The following CILP variants were observed in gnomAD, a reference collection of about 807,000 sequenced individuals.
CILP encodes cartilage intermediate layer protein 1.
In CILP, 75 loss-of-function variants were observed where a neutral mutation model predicts 82.5. The observed-to-expected ratio is 0.91, with a 90% CI of 0.75 to 1.10. The LOEUF (loss-of-function observed/expected upper bound fraction) is 1.10, where lower values mean the gene tolerates loss of function less well. CILP is among the 50% of genes least tolerant of loss of function. The pLI is 0.00. For synonymous variants in CILP, 530 were observed against 580.3 expected, an observed-to-expected ratio of 0.91 and a Z score of 1.25; for missense variants, 1,479 against 1,530.8, an observed-to-expected ratio of 0.97 and a Z score of 0.56.
rs2088370887 is a variant in CILP, at chr15:65,196,941, G to A, written c.3345C>T (p.Leu1115=). 2 of 1,613,662 alleles carry A rather than the reference G, an allele frequency of 1.2e-6. No homozygotes were observed. Among genetic ancestry groups the A allele is most frequent in the Admixed American group, 3.3e-5 (2 of 59,944 alleles). The change falls in exon 9 of 9, where the codon CTC becomes CTT. Residue 1115 remains leucine, a synonymous_variant. Coordinates refer to ENST00000261883, the MANE Select transcript of CILP (RefSeq NM_003613.4). The part of the protein sequence containing the change: ...RIMKSNVGVA[L]TFNCVERQVG... ...CTTGCCTCTCTACACAGTTGAAGGTGAGGGCTACTCCCACATTGCTCTTCA... is the reference window on the plus strand; with the variant it reads ...CTTGCCTCTCTACACAGTTGAAGGTAAGGGCTACTCCCACATTGCTCTTCA...
chr15:65,210,952 C>CAGCCTG (rs2088579693), intron 1 of CILP, among the ~76,000 whole-genome samples: 1 of 152,216 alleles, frequency 6.6e-6, no homozygotes. Context: ...GCACTGCATT[C>CAGCCTG]AGCCTGAGCC....
chr15:65,197,958 G>A lies in CILP; in HGVS notation c.2328C>T (p.Ser776=), dbSNP rs190036787. 85 of 1,614,148 alleles carry A rather than the reference G, an allele frequency of 5.3e-5. No homozygotes were observed. The highest frequency in any genetic ancestry group is 6.9e-5 in the Non-Finnish European group (81 of 1,180,030). ...CAGTTCTAGGCTCCAGGTTAATCACGGAGATCACAACCCCCTGGATCTGCT... is the reference window on the plus strand; with the variant it reads ...CAGTTCTAGGCTCCAGGTTAATCACAGAGATCACAACCCCCTGGATCTGCT... ...PSEQIQGVVI[S]VINLEPRTGF... is the part of the protein sequence containing the mutation. Residue 776 remains serine (S), a synonymous_variant, in exon 9 of 9, where the codon TCC becomes TCT. Transcript: ENST00000261883.
chr15:65,195,464 T>G lies in CILP; in HGVS notation c.*1267A>C, dbSNP rs184554752. On this transcript the variant is annotated 3_prime_UTR_variant, in exon 9 of 9. Coordinates refer to ENST00000261883, the MANE Select transcript of CILP (RefSeq NM_003613.4). ...CCTATGGGCCTCTGATTTACTATTT[T>G]AAACCAAATACCTTTTCCAAAACCA... 6.6e-6 allele frequency: 1 copy of G among 152,248 alleles called. No individual in the cohort carries two copies. Among genetic ancestry groups the G allele is most frequent in the Non-Finnish European group, 1.5e-5 (1 of 68,074 alleles). The allele number at this position is 152,248 out of a possible 1,614,324, so 9.4% of individuals were successfully genotyped here.
intron 6 of CILP, among the ~76,000 whole-genome samples, chr15:65,204,008 T>G (rs1025638696): frequency 1.3e-5 from 2 of 152,228 alleles, no homozygotes; most frequent in Non-Finnish European, 2.9e-5. Context: ...ACGAAGGCCC[T>G]GAGGCAGGAA....
In CILP at chr15:65,197,591, G is replaced by A. The variant is rs764708391; in HGVS notation, c.2695C>T (p.Leu899Phe). 1.2e-6 allele frequency: 2 copies of A among 1,614,210 alleles called. No homozygotes were observed. The highest frequency in any genetic ancestry group is 1.7e-6 in the Non-Finnish European group (2 of 1,180,044). The stretch of plus-strand genomic sequence containing the variant: ...GGTGGTGCCTCTTCACATGCCCGGA[G>A]GTTCTCAAAGGCATAGATGGGCCCA... ...SNGPIYAFEN[L>F]RACEEAPPSA... is the part of the protein sequence containing the mutation. The change falls in exon 9 of 9, where the codon CTC becomes TTC. Residue 899 changes from leucine (L) to phenylalanine (F), a missense_variant. Leu to Phe is a conservative substitution (Grantham distance 22). Transcript: ENST00000261883.
Position 65,196,070 on chromosome 15 carries a change from A to G in CILP, c.*661T>C, listed in dbSNP as rs2088356941. ...GCTACACTGGGTTTCTAGCAAGAAC[A>G]GAAGCGAATGCAAAGGGAAATGTAC... On this transcript the variant is annotated 3_prime_UTR_variant, in exon 9 of 9. Coordinates refer to ENST00000261883, the MANE Select transcript of CILP (RefSeq NM_003613.4). 6.6e-6 allele frequency: 1 copy of G among 152,230 alleles called. No individual in the cohort carries two copies. The highest frequency in any genetic ancestry group is 1.5e-5 in the Non-Finnish European group (1 of 68,054). 9.4% of individuals were successfully genotyped at this position (152,230 alleles called of 1,614,324 possible). A position where few individuals can be genotyped will look rare whatever the true frequency, so the allele number is the denominator to read the frequency against.
chr15:65,196,876 G>A lies in CILP; in HGVS notation c.3410C>T (p.Pro1137Leu), dbSNP rs1407608887. 1.9e-6 allele frequency: 3 copies of A among 1,613,736 alleles called. No individual in the cohort carries two copies. The African/African-American group carries it at 4.0e-5, about 22-fold the overall frequency. ...AGTGCCTGCAGCAGGGGACTGGGCT[G>A]GGGTGCTTTGGAGGTACTGGAAGGC... ...QSAFQYLQST[P>L]AQSPAAGTVQ... is the part of the protein sequence containing the mutation. Residue 1137 changes from proline (P) to leucine (L), a missense_variant, in exon 9 of 9, where the codon CCA becomes CTA. By Grantham distance (98) the Pro-to-Leu change is moderately conservative. Transcript: ENST00000261883.
chr15:65,210,969 T>G (rs1170136528), intron 1 of CILP, among the ~76,000 whole-genome samples: 2 of 152,208 alleles, frequency 1.3e-5, no homozygotes, highest in African/African-American at 4.8e-5. Flanking sequence ...AGCCTGAGCC[T>G]GCTCCAGGGA....
In CILP at chr15:65,207,035, T is replaced by G. The variant is rs565454601; in HGVS notation, c.171A>C (p.Thr57=). The G allele has an allele frequency of 1.2e-5, 20 of 1,613,122 alleles. No homozygotes were observed. Among genetic ancestry groups the G allele is most frequent in the Admixed American group, 1.7e-5 (1 of 59,990 alleles). Residue 57 remains threonine (T), a synonymous_variant, in exon 4 of 9, where the codon ACA becomes ACC. Transcript: ENST00000261883. ...CTGGGTAGTCGATGTTGAACCATGT[T>G]GTCCACTCACCAGGGCCTGAGAGAC... ...ADTLESPGEW[T]TWFNIDYPGG... is the part of the protein sequence containing the mutation.
At position 65,206,630 on chromosome 15, in the gene CILP, T is replaced by G. The variant is rs374475748; in HGVS notation, c.424+152A>C. ...GTTATTATTACAGAGTCCAAGCATATGCATGTGTGTCACTACTTGTTATTA... is the reference window on the plus strand; with the variant it reads ...GTTATTATTACAGAGTCCAAGCATAGGCATGTGTGTCACTACTTGTTATTA... On this transcript the variant is annotated intron_variant, in intron 4 of 8. Transcript: ENST00000261883. The G allele has an allele frequency of 3.5e-6, 3 of 847,536 alleles. No homozygotes were observed. In the African/African-American group the frequency reaches 5.1e-5, roughly 14 times the overall value. The allele number at this position is 847,536 out of a possible 1,614,324, so 52.5% of individuals were successfully genotyped here.
At chr15:65,199,433 A>G (rs1451609737) in intron 8 of CILP, among the ~76,000 whole-genome samples, 1 of 152,224 alleles carries the variant, frequency 6.6e-6, no homozygotes, top group Non-Finnish European at 1.5e-5. Context: ...ATGTCCTGCA[A>G]TGCCTGGCAC....
At chr15:65,210,379 G>A (rs930086374) in intron 1 of CILP, among the ~76,000 whole-genome samples, 3 of 152,172 alleles carry the variant, frequency 2.0e-5, no homozygotes, top group Admixed American at 1.3e-4. Flanking sequence ...AGATGTGCAC[G>A]GGCTGCAGCT....
chr15:65,196,509 G>C lies in CILP; in HGVS notation c.*222C>G, dbSNP rs904460227. 2.3e-6 allele frequency: 1 copy of C among 436,980 alleles called. No homozygotes were observed. The highest frequency in any genetic ancestry group is 2.0e-5 in the African/African-American group (1 of 49,974). The allele number at this position is 436,980 out of a possible 1,614,324, so 27.1% of individuals were successfully genotyped here. ...GTTTTACCAGTGGCCAATTTCTTGT[G>C]TTTCATTTAAAGAACAGTTTCACAA... On this transcript the variant is annotated 3_prime_UTR_variant, in exon 9 of 9. Transcript: ENST00000261883.
At chr15:65,207,330 C>T (rs1167407700) in intron 3 of CILP, among the ~76,000 whole-genome samples, 2 of 152,108 alleles carry the variant, frequency 1.3e-5, no homozygotes, top group Non-Finnish European at 2.9e-5. Flanking sequence ...TCATGTGGCT[C>T]GGGCCACATC....
Position 65,207,706 on chromosome 15 carries a change from G to A in CILP, c.120C>T (p.Pro40=). 8.7e-6 allele frequency: 14 copies of A among 1,614,178 alleles called. No homozygotes were observed. The highest frequency in any genetic ancestry group is 1.1e-5 in the Non-Finnish European group (13 of 1,180,028). Residue 40 remains proline, a synonymous_variant, in exon 3 of 9, where the codon CCC becomes CCT. Coordinates refer to ENST00000261883, the MANE Select transcript of CILP (RefSeq NM_003613.4). ...VRRVQPGKKN[P]SIFAKPADTL... Reference sequence around the variant, plus strand: ...TGTCGGCAGGCTTGGCAAAGATGCTGGGGTTCTTCTTCCCAGGCTGGACTC... The same window carrying A: ...TGTCGGCAGGCTTGGCAAAGATGCTAGGGTTCTTCTTCCCAGGCTGGACTC...
At position 65,197,868 on chromosome 15, in the gene CILP, G is replaced by A; in HGVS notation, c.2418C>T (p.Ala806=). The change falls in exon 9 of 9, where the codon GCC becomes GCT. Residue 806 remains alanine (A), a synonymous_variant. Transcript: ENST00000261883. ...GGTCATCACAGAAGGCAGGCACACA[G>A]GCCCCGTTGGGGCCTGTGATGACAC... ...FDSVITGPNG[A]CVPAFCDDQS... 2 of 1,613,654 alleles carry A rather than the reference G, an allele frequency of 1.2e-6. No homozygotes were observed. The highest frequency in any genetic ancestry group is 1.7e-6 in the Non-Finnish European group (2 of 1,179,922).
rs1452311944 is a variant in CILP at position 65,195,349 on chromosome 15, AG to A, written c.*1381del. On this transcript the variant is annotated 3_prime_UTR_variant, in exon 9 of 9. Transcript: ENST00000261883. ...TGGACTCTTGCCTGACAGATTCTGG[AG>A]GGGTTGGGATAGGGGCAGTGAGTGC... 2 of 152,196 alleles carry A rather than the reference AG, an allele frequency of 1.3e-5. No homozygotes were observed. Among genetic ancestry groups the A allele is most frequent in the East Asian group, 3.9e-4 (2 of 5,194 alleles). 9.4% of individuals were successfully genotyped at this position (152,196 alleles called of 1,614,324 possible).
At position 65,196,114 on chromosome 15, in the gene CILP, GGT is replaced by G. The variant is rs1365495950; in HGVS notation, c.*615_*616del. 9.9e-5 allele frequency: 15 copies of G among 152,242 alleles called. No homozygotes were observed. The highest frequency in any genetic ancestry group is 2.9e-4 in the African/African-American group (12 of 41,450). The allele number at this position is 152,242 out of a possible 1,614,324, so 9.4% of individuals were successfully genotyped here. On this transcript the variant is annotated 3_prime_UTR_variant, in exon 9 of 9. Coordinates refer to ENST00000261883, the MANE Select transcript of CILP (RefSeq NM_003613.4). Reference sequence around the variant, plus strand: ...AATGTACAAATACAGTTAGCAACCTGGTGTAATTGTGGATACCAGGAGATGTT... The same window carrying G: ...AATGTACAAATACAGTTAGCAACCTGGTAATTGTGGATACCAGGAGATGTT...
rs1024146015 is a variant in CILP at position 65,197,181 on chromosome 15, T to C, written c.3105A>G (p.Arg1035=). 1.2e-6 allele frequency: 2 copies of C among 1,613,940 alleles called. No homozygotes were observed. The highest frequency in any genetic ancestry group is 2.7e-5 in the African/African-American group (2 of 74,918). ...CATGCAGCATGGGGTTCACACTGGC[T>C]CGACGGCAGCTGCCCTGGGGGATGA... The part of the protein sequence containing the change: ...VKVIPQGSCR[R]ASVNPMLHEY... The change falls in exon 9 of 9, where the codon CGA becomes CGG. Residue 1035 remains arginine (R), a synonymous_variant. Transcript: ENST00000261883.
Sources: gnomAD v4.1 joint callset for allele counts (sites outside exome capture counted in the v4.1 genomes callset) on GRCh38, gnomAD v4.1.1 for gene constraint, MANE v1.5 for transcripts, NCBI Gene and HGNC (gene_info 2026-07-23, HGNC 2026-07-21) for gene names.